Variants in ANXA8 observed in about 807,000 individuals in gnomAD.
The protein encoded by ANXA8 is annexin A8, also known as VAC-beta.
Under a neutral mutation model 26.8 loss-of-function variants are expected in ANXA8, and 9 were observed. The observed-to-expected ratio is 0.34, with a 90% CI of 0.20 to 0.59. The LOEUF (loss-of-function observed/expected upper bound fraction) is 0.59. Among genes scored for constraint, ANXA8 ranks in the 20% least tolerant of loss-of-function variants. The pLI is 0.84. For synonymous variants in ANXA8, 39 were observed against 94.8 expected, an observed-to-expected ratio of 0.41 and a Z score of 3.42; for missense variants, 83 against 238.5, an observed-to-expected ratio of 0.35 and a Z score of 4.29.
the ANXA8 span, among the ~76,000 whole-genome samples, chr10:47,988,878 G>A: frequency 6.6e-6 from 1 of 151,726 alleles, no homozygotes; most frequent in South Asian, 2.1e-4. Flanking sequence ...CTATCTACTA[G>A]GCCCTGAATG....
chr10:47,952,091 C>A, the ANXA8 span, among the ~76,000 whole-genome samples: 2 of 150,692 alleles, frequency 1.3e-5, no homozygotes, highest in African/African-American at 2.5e-5. Flanking sequence ...AAATAAAATC[C>A]TCTTAAAACA....
chr10:47,686,257 C>A, the ANXA8 span, among the ~76,000 whole-genome samples: 1 of 142,156 alleles, frequency 7.0e-6, no homozygotes, highest in South Asian at 2.2e-4. Flanking sequence ...GAGACAGAGT[C>A]ACCCAGACTG....
chr10:47,703,726 CCCAGGATA>C, the ANXA8 span, among the ~76,000 whole-genome samples: 3 of 150,468 alleles, frequency 2.0e-5, no homozygotes, highest in Non-Finnish European at 4.4e-5. Context: ...AAAGTATCTC[CCCAGGATA>C]CCAGCTTACT....
At chr10:47,667,761 A>G in the ANXA8 span, among the ~76,000 whole-genome samples, 3 of 151,742 alleles carry the variant, frequency 2.0e-5, no homozygotes, top group African/African-American at 7.3e-5. Context: ...TTTTTGAGAT[A>G]GAGTATCACT....
At chr10:47,669,656 A>C in the ANXA8 span, among the ~76,000 whole-genome samples, 1 of 151,648 alleles carries the variant, frequency 6.6e-6, no homozygotes, top group East Asian at 1.9e-4. Flanking sequence ...TGGAGGTTGC[A>C]GCGTGCTGAG....
At chr10:47,522,459 C>T in the ANXA8 span, among the ~76,000 whole-genome samples, 2 of 150,678 alleles carry the variant, frequency 1.3e-5, no homozygotes, top group Non-Finnish European at 1.5e-5. Context: ...ACATTTTATA[C>T]CTTTCACAAT....
the ANXA8 span, among the ~76,000 whole-genome samples, chr10:47,733,163 TTCTTTCTTTCTTTCTTTC>T: frequency 1.0e-5 from 1 of 97,950 alleles, no homozygotes; most frequent in Non-Finnish European, 2.3e-5. Context: ...CTTTCTTTCT[TTCTTTCTTTCTTTCTTTC>T]TTTCTTTCTT....
the ANXA8 span, among the ~76,000 whole-genome samples, chr10:47,733,193 CTTTCTTTCTTTCTTTCTTTCTTTCTT>C: frequency 2.5e-4 from 29 of 117,098 alleles, no homozygotes; most frequent in African/African-American, 7.1e-4. Flanking sequence ...TTCTTTCTTT[CTTTCTTTCTTTCTTTCTTTCTTTCTT>C]TCTCTTTCTT....
the ANXA8 span, among the ~76,000 whole-genome samples, chr10:47,932,388 G>C: frequency 1.3e-5 from 2 of 151,092 alleles, no homozygotes; most frequent in East Asian, 3.9e-4. Context: ...AACTCAAGTG[G>C]GTGATGGCAA....
chr10:47,606,279 C>T, the ANXA8 span, among the ~76,000 whole-genome samples: 1 of 149,500 alleles, frequency 6.7e-6, no homozygotes, highest in African/African-American at 2.6e-5. Flanking sequence ...TAAGCAAGAA[C>T]TCTCAGTTAT....
At chr10:47,676,880 A>T in the ANXA8 span, among the ~76,000 whole-genome samples, 1 of 147,076 alleles carries the variant, frequency 6.8e-6, no homozygotes, top group Non-Finnish European at 1.5e-5. Flanking sequence ...ATCATGTGCC[A>T]CTGCACTCCA....
chr10:47,500,507 G>C, the ANXA8 span, among the ~76,000 whole-genome samples: 339 of 148,644 alleles, frequency 2.3e-3, no homozygotes, highest in Middle Eastern at 6.9e-3. Flanking sequence ...GAGCCTCTTG[G>C]TCTTGGGTAG....
chr10:47,743,713 C>T, the ANXA8 span, among the ~76,000 whole-genome samples: 2 of 149,912 alleles, frequency 1.3e-5, no homozygotes, highest in Non-Finnish European at 3.0e-5. Context: ...TCGCTCGGGT[C>T]CGGCTGCGGG....
chr10:47,497,877 TGCAGTGAGCCGAGACGGC>T, the ANXA8 span, among the ~76,000 whole-genome samples: 1 of 152,028 alleles, frequency 6.6e-6, no homozygotes, highest in African/African-American at 2.4e-5. Context: ...AGGCAGAGGT[TGCAGTGAGCCGAGACGGC>T]GCCATTGCAC....
chr10:47,509,935 G>C, the ANXA8 span, among the ~76,000 whole-genome samples: 10 of 141,790 alleles, frequency 7.1e-5, 1 homozygote, highest in South Asian at 2.0e-3. Flanking sequence ...ATTGTCTAAA[G>C]GCATAAAGAC....
At chr10:47,706,786 G>C in the ANXA8 span, 1 of 994,526 alleles carries the variant, frequency 1.0e-6, no homozygotes, top group Non-Finnish European at 1.5e-6. Flanking sequence ...AGGACACTGG[G>C]AATATATTCT....
At chr10:47,503,505 AC>A in the ANXA8 span, 1 of 1,605,950 alleles carries the variant, frequency 6.2e-7, no homozygotes, top group Non-Finnish European at 8.5e-7. Context: ...TTAAACTCCC[AC>A]CTCCATTTCT....
At chr10:47,488,962 A>T (rs1164470521), upstream of ANXA8, among the ~76,000 whole-genome samples, 85 of 138,750 alleles carry the variant, frequency 6.1e-4, no homozygotes, top group South Asian at 1.2e-3. Flanking sequence ...TGATCCGCCC[A>T]CCTCAGCCTC....
chr10:47,607,448 G>A, the ANXA8 span, among the ~76,000 whole-genome samples: 11 of 150,608 alleles, frequency 7.3e-5, no homozygotes, highest in South Asian at 4.2e-4. Flanking sequence ...AATTTGTACC[G>A]TAAGTAAAAT....
Sources: allele counts gnomAD v4.1 joint callset (sites outside exome capture counted in the v4.1 genomes callset), GRCh38; gene constraint gnomAD v4.1.1; transcripts MANE v1.5; gene names NCBI Gene and HGNC (gene_info 2026-07-23, HGNC 2026-07-21).